The following NTM variants were observed in gnomAD, a reference collection of about 807,000 sequenced individuals.
NTM encodes the protein IgLON family member 2.
NTM carries 13 observed loss-of-function variants against 42.1 expected under a neutral mutation model. That is an observed-to-expected ratio of 0.31 (90% CI 0.20 to 0.49). The LOEUF is 0.49. Among genes scored for constraint, NTM ranks in the 20% least tolerant of loss-of-function variants. NTM has a pLI of 0.99. For synonymous variants in NTM, 187 were observed against 179.2 expected (o/e 1.04, Z -0.35); for missense variants, 373 against 452.8 (o/e 0.82, Z 1.60).
chr11:132,124,249 G>C (rs2065302707), intron 2 of NTM, among the ~76,000 whole-genome samples: 1 of 152,048 alleles, frequency 6.6e-6, no homozygotes. Flanking sequence ...GGTGTCTCCT[G>C]TCTCCATCCC....
intron 1 of NTM, among the ~76,000 whole-genome samples, chr11:131,622,665 C>T (rs146840286): frequency 2.1e-4 from 32 of 152,260 alleles, no homozygotes; most frequent in South Asian, 8.3e-4. Flanking sequence ...AGAAAAACGG[C>T]GTAAATCTGC....
At chr11:131,826,604 G>C (rs2042161462) in intron 1 of NTM, among the ~76,000 whole-genome samples, 1 of 151,852 alleles carries the variant, frequency 6.6e-6, no homozygotes, top group African/African-American at 2.4e-5. Context: ...AAATGGCGCA[G>C]TGGAAGGTGA....
chr11:132,253,829 G>T (rs1319320345), intron 4 of NTM, among the ~76,000 whole-genome samples: 1 of 152,184 alleles, frequency 6.6e-6, no homozygotes, highest in Non-Finnish European at 1.5e-5. Flanking sequence ...CCTCAGGCCT[G>T]CCCTCAGCTC....
intron 1 of NTM, among the ~76,000 whole-genome samples, chr11:131,691,944 G>GA (rs1441702963): frequency 2.0e-5 from 3 of 152,158 alleles, no homozygotes; most frequent in Non-Finnish European, 4.4e-5. Flanking sequence ...ATCTGATCGA[G>GA]AAAAAAGAGG....
intron 1 of NTM, among the ~76,000 whole-genome samples, chr11:131,435,763 T>C (rs1176409620): frequency 6.6e-6 from 1 of 152,248 alleles, no homozygotes; most frequent in Non-Finnish European, 1.5e-5. Context: ...CTTTTCCTAA[T>C]TGAATACCCT....
chr11:131,953,092 G>T (rs1003826552), intron 2 of NTM, among the ~76,000 whole-genome samples: 1 of 152,136 alleles, frequency 6.6e-6, no homozygotes, highest in Non-Finnish European at 1.5e-5. Context: ...CCGTGTTCAA[G>T]TTCCTCCAGC....
chr11:131,559,708 G>A (rs894542326), intron 1 of NTM, among the ~76,000 whole-genome samples: 2 of 152,200 alleles, frequency 1.3e-5, no homozygotes, highest in African/African-American at 2.4e-5. Flanking sequence ...TAGGGCTAGT[G>A]GAGCAACCTT....
intron 1 of NTM, among the ~76,000 whole-genome samples, chr11:131,832,391 G>A (rs2042933566): frequency 6.6e-6 from 1 of 151,976 alleles, no homozygotes; most frequent in South Asian, 2.1e-4. Context: ...AAAAAACCAT[G>A]GATACCCTGA....
intron 1 of NTM, among the ~76,000 whole-genome samples, chr11:131,614,364 A>C (rs1487289233): frequency 1.3e-5 from 2 of 152,174 alleles, no homozygotes; most frequent in African/African-American, 4.8e-5. Flanking sequence ...ATGGAGACCC[A>C]CCCTGGCTGC....
intron 7 of NTM, chr11:132,315,154 C>A: frequency 1.2e-6 from 1 of 850,136 alleles, no homozygotes; most frequent in Non-Finnish European, 1.4e-6. Flanking sequence ...GTCAAGAACT[C>A]AGAGGGGAAT....
At chr11:132,044,923 A>G (rs541517619) in intron 2 of NTM, among the ~76,000 whole-genome samples, 1 of 152,310 alleles carries the variant, frequency 6.6e-6, no homozygotes, top group East Asian at 1.9e-4. Context: ...AGCACCAGAC[A>G]GATTCACAGC....
intron 2 of NTM, among the ~76,000 whole-genome samples, chr11:131,987,173 C>A (rs1039441517): frequency 8.5e-5 from 13 of 152,126 alleles, no homozygotes; most frequent in African/African-American, 2.4e-4. Context: ...GTATAACTAG[C>A]AAGTGGTGGA....
intron 2 of NTM, among the ~76,000 whole-genome samples, chr11:132,059,775 A>AT (rs2080337530): frequency 7.6e-6 from 1 of 131,676 alleles, no homozygotes; most frequent in South Asian, 2.4e-4. Flanking sequence ...CATCAGCCTC[A>AT]GAGCCTGGTT....
intron 1 of NTM, among the ~76,000 whole-genome samples, chr11:131,565,937 T>C (rs1454620475): frequency 6.6e-6 from 1 of 152,186 alleles, no homozygotes. Context: ...CTGTTCTACC[T>C]GAAGTCCTAT....
chr11:131,929,156 A>T (rs909651710), intron 2 of NTM, among the ~76,000 whole-genome samples: 5 of 152,326 alleles, frequency 3.3e-5, no homozygotes, highest in Admixed American at 3.3e-4. Flanking sequence ...CAGGGAGGGA[A>T]AGGAGGAAGT....
intron 4 of NTM, among the ~76,000 whole-genome samples, chr11:132,271,192 A>G (rs1423580074): frequency 6.6e-6 from 1 of 152,102 alleles, no homozygotes; most frequent in Non-Finnish European, 1.5e-5. Context: ...GACTTAGCAT[A>G]ATGTTCTTAA....
At chr11:132,045,081 A>G (rs2135838045) in intron 2 of NTM, among the ~76,000 whole-genome samples, 1 of 152,346 alleles carries the variant, frequency 6.6e-6, no homozygotes, top group East Asian at 1.9e-4. Context: ...ACAAAAAAAG[A>G]AAATGTCAGG....
intron 1 of NTM, among the ~76,000 whole-genome samples, chr11:131,867,775 A>G (rs769266218): frequency 6.6e-6 from 1 of 152,156 alleles, no homozygotes; most frequent in Non-Finnish European, 1.5e-5. Flanking sequence ...TGATGCGGGC[A>G]TGAGATTTGC....
At chr11:132,176,688 C>G (rs973554103) in intron 3 of NTM, among the ~76,000 whole-genome samples, 2 of 145,450 alleles carry the variant, frequency 1.4e-5, no homozygotes, top group Non-Finnish European at 3.0e-5. Context: ...GGATTTTAGC[C>G]TCTGTGAATC....
Sources: allele counts gnomAD v4.1 joint callset (sites outside exome capture counted in the v4.1 genomes callset), GRCh38; gene constraint gnomAD v4.1.1; transcripts MANE v1.5; gene names NCBI Gene and HGNC (gene_info 2026-07-23, HGNC 2026-07-21).